The following ADAMTS1 variants were observed in gnomAD, a reference collection of about 807,000 sequenced individuals.
ADAMTS1 encodes A disintegrin and metalloproteinase with thrombospondin motifs 1.
In ADAMTS1, 19 loss-of-function variants were observed where a neutral mutation model predicts 87.9. The ratio of observed to expected loss-of-function variants is 0.22; its 90% CI spans 0.15 to 0.32. The LOEUF (loss-of-function observed/expected upper bound fraction) is 0.32, where lower values mean the gene tolerates loss of function less well. Ranked by LOEUF, ADAMTS1 falls within the 10% of genes least tolerant of loss-of-function variation. The pLI, the probability that ADAMTS1 is intolerant of heterozygous loss-of-function variation, is 1.00. For missense variants in ADAMTS1, 1,240 were observed against 1,259.1 expected (o/e 0.98, Z 0.23); for synonymous variants, 542 against 501.8 (o/e 1.08, Z -1.07).
chr21:26,839,897 A>G lies in ADAMTS1; in HGVS notation c.1830T>C (p.Leu610=). ...GKRVRYRSCN[L]EDCPDNNGKT... ...CACCATTATTGTCTGGACAGTCCTCAAGGTTACAGGATCTGTAGCGCACTC... is the reference window on the plus strand; with the variant it reads ...CACCATTATTGTCTGGACAGTCCTCGAGGTTACAGGATCTGTAGCGCACTC... The change falls in exon 6 of 9, where the codon CTT becomes CTC. Residue 610 remains leucine, a synonymous_variant. Coordinates refer to ENST00000284984, the MANE Select transcript of ADAMTS1 (RefSeq NM_006988.5). 1.2e-6 allele frequency: 2 copies of G among 1,613,938 alleles called. No individual in the cohort carries two copies. Among genetic ancestry groups the G allele is most frequent in the South Asian group, 2.2e-5 (2 of 91,058 alleles).
chr21:26,842,459 C>A lies in ADAMTS1; in HGVS notation c.957G>T (p.Pro319=), dbSNP rs368736499. 4.0e-5 allele frequency: 64 copies of A among 1,614,032 alleles called. No homozygotes were observed. Among genetic ancestry groups the A allele is most frequent in the Non-Finnish European group, 6.8e-6 (8 of 1,180,038 alleles). ...TGAGGGCAGCATTGGAGGTCACTTC[C>A]GGCCCCTTCTGTTCATCGTGGATGA... The part of the protein sequence containing the change: ...ILVIHDEQKG[P]EVTSNAALTL... The change falls in exon 2 of 9, where the codon CCG becomes CCT. Residue 319 remains proline, a synonymous_variant. Coordinates refer to ENST00000284984, the MANE Select transcript of ADAMTS1 (RefSeq NM_006988.5).
rs1173184694 is a variant in ADAMTS1 at position 26,844,627 on chromosome 21, C to T, written c.328G>A (p.Gly110Arg). 2 of 1,607,554 alleles carry T rather than the reference C, an allele frequency of 1.2e-6. No homozygotes were observed. The highest frequency in any genetic ancestry group is 1.3e-5 in the African/African-American group (1 of 74,838). ...FTLQNVGRKS[G>R]SETPLPETDL... is the part of the protein sequence containing the mutation. ...GTTTCCGGAAGCGGCGTCTCGGACC[C>T]GGATTTGCGCCCCACGTTCTGGAGC... The change falls in exon 1 of 9, where the codon GGG becomes AGG. Residue 110 changes from glycine (G) to arginine (R), a missense_variant. Gly to Arg is a moderately radical substitution (Grantham distance 125). Around this residue, in one of 3 missense-constraint regions of ADAMTS1, gnomAD observed 521 missense variants for 449.7 expected, o/e 1.16. Coordinates refer to ENST00000284984, the MANE Select transcript of ADAMTS1 (RefSeq NM_006988.5).
chr21:26,839,627 T>G lies in ADAMTS1; in HGVS notation c.1988A>C (p.Gln663Pro). The G allele has an allele frequency of 6.2e-7, 1 of 1,609,934 alleles. No individual in the cohort carries two copies. The highest frequency in any genetic ancestry group is 8.5e-7 in the Non-Finnish European group (1 of 1,176,516). Residue 663 changes from glutamine (Q) to proline (P), a missense_variant, in exon 7 of 9, where the codon CAA (glutamine) becomes CCA (proline). By Grantham distance (76) the Gln-to-Pro change is moderately conservative. This residue lies in a region of ADAMTS1 where 402 missense variants were observed against 399.1 expected (regional missense o/e 1.01). Transcript: ENST00000284984. ...GAAGAAGTAGCCAATGCCTTTGGCT[T>G]GGCAGATGAGCTTGCACCTGTCCTT... ...SPKDRCKLIC[Q>P]AKGIGYFFVL...
chr21:26,843,755 C>T (rs541788757), intron 1 of ADAMTS1: 8 of 493,934 alleles, frequency 1.6e-5, no homozygotes, highest in African/African-American at 7.8e-5. Context: ...CCCAGGTCAC[C>T]ATTGCTCCTC....
chr21:26,844,378 C>G lies in ADAMTS1; in HGVS notation c.577G>C (p.Asp193His). Residue 193 changes from aspartate (D) to histidine (H), a missense_variant, in exon 1 of 9, where the codon GAC (aspartate) becomes CAC (histidine). Asp to His is a moderately conservative substitution (Grantham distance 81, BLOSUM62 -1). Coordinates refer to ENST00000284984, the MANE Select transcript of ADAMTS1 (RefSeq NM_006988.5). ...FHLLRRNRQG[D>H]VGGTCGVVDD... ...ACGACCCCGCACGTGCCGCCGACGT[C>G]GCCCTGCCGATTCCGCCGCAGGAGG... 1 of 1,591,160 alleles carries G rather than the reference C, an allele frequency of 6.3e-7. No individual in the cohort carries two copies. Among genetic ancestry groups the G allele is most frequent in the Non-Finnish European group, 8.5e-7 (1 of 1,171,726 alleles).
Position 26,844,806 on chromosome 21 carries a change from A to G in ADAMTS1, c.149T>C (p.Leu50Pro). Residue 50 changes from leucine (L) to proline (P), a missense_variant, in exon 1 of 9, where the codon CTC (leucine) becomes CCC (proline). Transcript: ENST00000284984. The part of the protein sequence containing the change: ...AAALLAVSDA[L>P]GRPSEEDEEL... ...CTCGTCCTCCTCGGAGGGGCGCCCG[A>G]GTGCGTCCGACACGGCCAGTAGCGC... The G allele has an allele frequency of 1.9e-6, 3 of 1,545,898 alleles. No individual in the cohort carries two copies. Among genetic ancestry groups the G allele is most frequent in the Non-Finnish European group, 2.6e-6 (3 of 1,144,928 alleles).
Position 26,844,742 on chromosome 21 carries a change from G to A in ADAMTS1, c.213C>T (p.His71=), listed in dbSNP as rs1021949289. The change falls in exon 1 of 9, where the codon CAC becomes CAT. Residue 71 remains histidine, a synonymous_variant. Transcript: ENST00000284984. The part of the protein sequence containing the change: ...VVPELERAPG[H]GTTRLRLHAF... Reference sequence around the variant, plus strand: ...CGTGCAGGCGGAGGCGCGTGGTCCCGTGTCCCGGGGCGCGCTCCAGCTCCG... The same window carrying A: ...CGTGCAGGCGGAGGCGCGTGGTCCCATGTCCCGGGGCGCGCTCCAGCTCCG... 1.9e-6 allele frequency: 3 copies of A among 1,565,090 alleles called. No individual in the cohort carries two copies. Among genetic ancestry groups the A allele is most frequent in the Non-Finnish European group, 2.6e-6 (3 of 1,152,538 alleles).
intron 3 of ADAMTS1, chr21:26,841,406 G>A (rs1312109019): frequency 5.1e-6 from 2 of 389,318 alleles, no homozygotes; most frequent in African/African-American, 2.1e-5. Context: ...TTGAACCCAG[G>A]AGGCAGAAGT....
Position 26,845,062 on chromosome 21 carries a change from A to G in ADAMTS1, c.-108T>C. 3.8e-6 allele frequency: 5 copies of G among 1,302,206 alleles called. No individual in the cohort carries two copies. Among genetic ancestry groups the G allele is most frequent in the Non-Finnish European group, 4.9e-6 (5 of 1,019,432 alleles). The allele number at this position is 1,302,206 out of a possible 1,614,324, so 80.7% of individuals were successfully genotyped here. On this transcript the variant is annotated 5_prime_UTR_variant, in exon 1 of 9. Coordinates refer to ENST00000284984, the MANE Select transcript of ADAMTS1 (RefSeq NM_006988.5). Reference sequence around the variant, plus strand: ...CCTGCTCTGGATTGTTAAAATTAACAATTTCTATTATTCGTTGGAAGGGCG... The same window carrying G: ...CCTGCTCTGGATTGTTAAAATTAACGATTTCTATTATTCGTTGGAAGGGCG...
chr21:26,844,721 C>G lies in ADAMTS1; in HGVS notation c.234G>C (p.Leu78=). The G allele has an allele frequency of 6.3e-7, 1 of 1,580,594 alleles. No individual in the cohort carries two copies. The highest frequency in any genetic ancestry group is 8.6e-7 in the Non-Finnish European group (1 of 1,162,328). The change falls in exon 1 of 9, where the codon CTG becomes CTC. Residue 78 remains leucine (L), a synonymous_variant. Coordinates refer to ENST00000284984, the MANE Select transcript of ADAMTS1 (RefSeq NM_006988.5). ...APGHGTTRLR[L]HAFDQQLDLE... is the part of the protein sequence containing the mutation. ...GATCCAGCTGCTGGTCAAAGGCGTG[C>G]AGGCGGAGGCGCGTGGTCCCGTGTC...
rs773057632 is a variant in ADAMTS1 at position 26,842,383 on chromosome 21, G to T, written c.1033C>A (p.Arg345=). Reference sequence around the variant, plus strand: ...GCTGTGTCATAGTGCTCTGCATCCCGGTCACTGGGTGGGTTGTGCTGCTTC... The same window carrying T: ...GCTGTGTCATAGTGCTCTGCATCCCTGTCACTGGGTGGGTTGTGCTGCTTC... ...WQKQHNPPSD[R]DAEHYDTAIL... The change falls in exon 2 of 9, where the codon CGG becomes AGG. Residue 345 remains arginine, a synonymous_variant. Coordinates refer to ENST00000284984, the MANE Select transcript of ADAMTS1 (RefSeq NM_006988.5). 5.0e-6 allele frequency: 8 copies of T among 1,614,088 alleles called. No individual in the cohort carries two copies. Among genetic ancestry groups the T allele is most frequent in the Non-Finnish European group, 5.9e-6 (7 of 1,180,008 alleles).
intron 7 of ADAMTS1, chr21:26,839,333 GC>G (rs1021163891): frequency 8.7e-6 from 3 of 343,382 alleles, no homozygotes; most frequent in African/African-American, 6.3e-5. Context: ...TGTCCAAAAA[GC>G]TTTTCTTTGC....
chr21:26,844,253 C>T lies in ADAMTS1; in HGVS notation c.702G>A (p.Pro234=), dbSNP rs1412806937. The change falls in exon 1 of 9, where the codon CCG becomes CCA. Residue 234 remains proline, a synonymous_variant. Coordinates refer to ENST00000284984, the MANE Select transcript of ADAMTS1 (RefSeq NM_006988.5). ...TGGGCTGTCCTACGCCTTGCAGTGC[C>T]GGGTCCTGCGGCGACCACTGAGCCC... ...DEGAQWSPQD[P]ALQGVGQPTG... 6.3e-7 allele frequency: 1 copy of T among 1,575,888 alleles called. No homozygotes were observed. Among genetic ancestry groups the T allele is most frequent in the Non-Finnish European group, 8.6e-7 (1 of 1,161,052 alleles).
intron 1 of ADAMTS1, chr21:26,843,736 G>A: frequency 2.0e-6 from 1 of 502,146 alleles, no homozygotes; most frequent in Non-Finnish European, 4.1e-6. Flanking sequence ...TAGCCGCTCA[G>A]GGTACCTTCC....
At chr21:26,842,102 T>C (rs1265978300) in intron 2 of ADAMTS1, 112 bp from the exon 3 acceptor site, 5 of 1,272,448 alleles carry the variant, frequency 3.9e-6, no homozygotes, top group East Asian at 2.5e-5. Context: ...ACATTCATTA[T>C]TGTTGACATA....
Position 26,844,617 on chromosome 21 carries a change from G to A in ADAMTS1, c.338C>T (p.Thr113Met), listed in dbSNP as rs749112316. 3.1e-6 allele frequency: 5 copies of A among 1,609,454 alleles called. No homozygotes were observed. Among genetic ancestry groups the A allele is most frequent in the African/African-American group, 1.3e-5 (1 of 74,876 alleles). The change falls in exon 1 of 9, where the codon ACG becomes ATG. Residue 113 changes from threonine to methionine, a missense_variant. Transcript: ENST00000284984. The stretch of plus-strand genomic sequence containing the variant: ...CGCCAGGTCGGTTTCCGGAAGCGGC[G>A]TCTCGGACCCGGATTTGCGCCCCAC... ...QNVGRKSGSE[T>M]PLPETDLAHC...
In ADAMTS1 at chr21:26,837,376, C is replaced by CACTA; in HGVS notation, c.*199_*202dup. The CACTA allele has an allele frequency of 1.7e-6, 1 of 576,744 alleles. No individual in the cohort carries two copies. The highest frequency in any genetic ancestry group is 3.1e-6 in the Non-Finnish European group (1 of 324,372). 35.7% of individuals were successfully genotyped at this position (576,744 alleles called of 1,614,324 possible). ...TCACTGCTCAGAGGTTAATAATCCT[C>CACTA]ACTAACTATCCTATCAAATTTGCAA... On this transcript the variant is annotated 3_prime_UTR_variant, in exon 9 of 9. Coordinates refer to ENST00000284984, the MANE Select transcript of ADAMTS1 (RefSeq NM_006988.5).
rs1335288113 is a variant in ADAMTS1 at position 26,840,981 on chromosome 21, T to C, written c.1378+17A>G. 6.2e-7 allele frequency: 1 copy of C among 1,607,768 alleles called. No individual in the cohort carries two copies. Among genetic ancestry groups the C allele is most frequent in the East Asian group, 2.2e-5 (1 of 44,650 alleles). On this transcript the variant is annotated intron_variant, in intron 4 of 8. Transcript: ENST00000284984. ...AAGGTTGGATGCCATCTAGAGAGAG[T>C]AGCTGGAATATCTCACCATGACCAT...
chr21:26,835,866 C>T lies in ADAMTS1; in HGVS notation c.*1713G>A, dbSNP rs1601920232. The T allele has an allele frequency of 1.3e-5, 2 of 152,270 alleles. No individual in the cohort carries two copies. Among genetic ancestry groups the T allele is most frequent in the African/African-American group, 4.8e-5 (2 of 41,550 alleles). The allele number at this position is 152,270 out of a possible 1,614,324, so 9.4% of individuals were successfully genotyped here. A position where few individuals can be genotyped will look rare whatever the true frequency, so the allele number is the denominator to read the frequency against. ...GCAAGTAGTTTTTTTAGAACACAGC[C>T]ATGTCCATTCACTTACTCATTCTTT... On this transcript the variant is annotated 3_prime_UTR_variant, in exon 9 of 9. Transcript: ENST00000284984.
Sources: gnomAD v4.1 joint callset for allele counts on GRCh38, gnomAD v4.1.1 for gene constraint, gnomAD v4.1.1 regional missense constraint, MANE v1.5 for transcripts, NCBI Gene and HGNC (gene_info 2026-07-23, HGNC 2026-07-21) for gene names.